VAC14: variants seen among roughly 807,000 people sequenced by gnomAD.
VAC14 encodes the protein VAC14 component of PIKFYVE complex, also known as protein VAC14 homolog.
In VAC14, 47 loss-of-function variants were observed where a neutral mutation model predicts 85.3. The ratio of observed to expected loss-of-function variants is 0.55; its 90% CI spans 0.44 to 0.70. The LOEUF (loss-of-function observed/expected upper bound fraction) is 0.70. VAC14 is among the 30% of genes least tolerant of loss of function. The probability of loss-of-function intolerance (pLI) is 0.00; values close to 1 mark genes in which losing one functional copy is unlikely to be tolerated. For synonymous variants in VAC14, 447 were observed against 430.5 expected, an observed-to-expected ratio of 1.04 and a Z score of -0.47; for missense variants, 861 against 1,004.3, an observed-to-expected ratio of 0.86 and a Z score of 1.93.
intron 9 of VAC14, among the ~76,000 whole-genome samples, chr16:70,779,452 CTT>C (rs200351497): frequency 0.01 from 1,573 of 152,220 alleles, 17 homozygotes; most frequent in Non-Finnish European, 0.014. Context: ...ACTTGTTTCT[CTT>C]GTTTTATGGC....
intron 5 of VAC14, among the ~76,000 whole-genome samples, chr16:70,783,877 G>A (rs2033928630): frequency 6.6e-6 from 1 of 152,220 alleles, no homozygotes; most frequent in Non-Finnish European, 1.5e-5. Flanking sequence ...GGTGTTTTCT[G>A]GGACAAGGAA....
At chr16:70,700,856 G>A (rs934690824) in intron 14 of VAC14, among the ~76,000 whole-genome samples, 2 of 152,202 alleles carry the variant, frequency 1.3e-5, no homozygotes, top group African/African-American at 2.4e-5. Flanking sequence ...CATGACAGAG[G>A]CCAACAGCTG....
chr16:70,750,595 G>T (rs144969417), intron 12 of VAC14, among the ~76,000 whole-genome samples: 1 of 152,050 alleles, frequency 6.6e-6, no homozygotes. Context: ...AGGGCGAGGG[G>T]AGAGGGCTTT....
chr16:70,785,678 G>A lies in VAC14; in HGVS notation c.423+24C>T. On this transcript the variant is annotated intron_variant, in intron 3 of 18. Coordinates refer to ENST00000261776, the MANE Select transcript of VAC14 (RefSeq NM_018052.5). ...GTGGGGGAACCAAGCGCAGCTCAGT[G>A]AGGAGGAGGAGGAGGGCGGTTACCT... 3 of 1,447,274 alleles carry A rather than the reference G, an allele frequency of 2.1e-6. No homozygotes were observed. The East Asian group carries it at 7.9e-5, about 38-fold the overall frequency. 89.7% of individuals were successfully genotyped at this position (1,447,274 alleles called of 1,614,324 possible).
intron 15 of VAC14, 89 bp downstream of exon 15, chr16:70,698,548 C>G: frequency 1.3e-6 from 2 of 1,529,570 alleles, no homozygotes; most frequent in Non-Finnish European, 1.8e-6. Context: ...CTGAGAGCCT[C>G]CTGGGGCCAG....
chr16:70,772,497 A>G (rs1314823241), intron 9 of VAC14: 4 of 263,266 alleles, frequency 1.5e-5, no homozygotes, highest in Non-Finnish European at 2.9e-5. Flanking sequence ...ATCCTTAGCT[A>G]TCAGGAAAAT....
In VAC14 at chr16:70,688,100, G is replaced by A. The variant is rs1411799083; in HGVS notation, c.2187-10C>T. The A allele has an allele frequency of 6.4e-7, 1 of 1,551,504 alleles. No homozygotes were observed. On this transcript the variant is annotated splice_polypyrimidine_tract_variant and intron_variant, in intron 18 of 18. Transcript: ENST00000261776. ...TGCCTTTAGACTGTCTCTGGGAAGA[G>A]GGAGCAGAAATGCTCAGTGTCAGGG...
chr16:70,783,045 A>G lies in VAC14; in HGVS notation c.799T>C (p.Cys267Arg). Residue 267 changes from cysteine (C) to arginine (R), a missense_variant, in exon 7 of 19, where the codon TGC becomes CGC. Physicochemically the swap from Cys to Arg is radical, Grantham distance 180 (BLOSUM62 -3). This residue lies in a region of VAC14 where 629 missense variants were observed against 703.1 expected (regional missense o/e 0.89). Transcript: ENST00000261776. ...AEMANILVIH[C>R]QTTDDLIQLT... ...CCCCAATACTCACCTGTTGTCTGGC[A>G]GTGGATCACCAGGATGTTGGCCATC... is the stretch of plus-strand genomic sequence containing the variant. 1 of 1,614,138 alleles carries G rather than the reference A, an allele frequency of 6.2e-7. No individual in the cohort carries two copies.
chr16:70,763,040 G>A lies in VAC14; in HGVS notation c.1161-15C>T, dbSNP rs375110678. 189 of 1,613,892 alleles carry A rather than the reference G, an allele frequency of 1.2e-4. 1 individual carries two copies. Among genetic ancestry groups the A allele is most frequent in the Non-Finnish European group, 1.5e-4 (174 of 1,179,966 alleles). ...CTCTTTCAGTGCTGTGGGTAAGATC[G>A]GGAGGGAGAGCAGAGGTGAAGCCCA... On this transcript the variant is annotated splice_polypyrimidine_tract_variant and intron_variant, in intron 10 of 18. Transcript: ENST00000261776.
intron 12 of VAC14, chr16:70,744,876 A>G: frequency 3.1e-6 from 1 of 325,566 alleles, no homozygotes; most frequent in Non-Finnish European, 5.6e-6. Flanking sequence ...TCCCTTGAAC[A>G]GGGCTCTGAG....
chr16:70,727,304 G>A lies in VAC14; in HGVS notation c.1661+4191C>T, dbSNP rs552126197. Among the ~76,000 whole-genome samples, 6 of 152,228 alleles carry A rather than the reference G, an allele frequency of 3.9e-5. No individual in the cohort carries two copies. The East Asian group carries it at 1.2e-3, about 29-fold the overall frequency. On this transcript the variant is annotated intron_variant, in intron 14 of 18. Transcript: ENST00000261776. ...CCTGTGGCTTCATGCCAGCATCTGC[G>A]GAACCATCGCGATGCCTCTCTTTAT... is the stretch of plus-strand genomic sequence containing the variant.
rs965377442 is a variant in VAC14, at chr16:70,759,030, C to T, written c.1371+3510G>A. 3.3e-5 allele frequency among the ~76,000 whole-genome samples: 5 copies of T among 152,142 alleles called. No homozygotes were observed. The South Asian group carries it at 6.2e-4, about 19-fold the overall frequency. ...GGTGGAACTGAGGAACAATGGCAGA[C>T]GAGACACCCCAGCGAGGCCACGCAC... On this transcript the variant is annotated intron_variant, in intron 12 of 18. Transcript: ENST00000261776.
intron 12 of VAC14, 153 bp from the exon 13 acceptor site, chr16:70,744,732 G>A: frequency 2.4e-6 from 2 of 835,734 alleles, no homozygotes; most frequent in South Asian, 2.0e-5. Flanking sequence ...GGCCACAGCT[G>A]GGGCATGCTC....
intron 12 of VAC14, chr16:70,755,291 A>G: frequency 3.6e-6 from 1 of 277,694 alleles, no homozygotes; most frequent in Non-Finnish European, 7.3e-6. Flanking sequence ...CCTGGGAAGG[A>G]AGGTGCAGGA....
intron 8 of VAC14, among the ~76,000 whole-genome samples, chr16:70,781,196 T>C (rs776594582): frequency 7.2e-5 from 11 of 152,046 alleles, no homozygotes; most frequent in Non-Finnish European, 1.3e-4. Flanking sequence ...TCTCTTGCCA[T>C]GTGACCTGCT....
chr16:70,784,282 A>T, intron 4 of VAC14, 62 bp from the exon 5 acceptor site: 1 of 1,414,516 alleles, frequency 7.1e-7, no homozygotes, highest in Middle Eastern at 1.9e-4. Flanking sequence ...GACCTCGCTG[A>T]ATCACTTGCC....
intron 10 of VAC14, among the ~76,000 whole-genome samples, chr16:70,768,033 T>G (rs1479067734): frequency 6.6e-6 from 1 of 152,124 alleles, no homozygotes; most frequent in Non-Finnish European, 1.5e-5. Flanking sequence ...TACAGGAATG[T>G]GCCACCACAC....
intron 9 of VAC14, chr16:70,772,807 C>G (rs1160133732): frequency 6.6e-6 from 1 of 152,172 alleles, no homozygotes; most frequent in Non-Finnish European, 1.5e-5. Flanking sequence ...TCTACAATAG[C>G]CAAAAAGCAG....
rs1446131789 is a variant in VAC14, at chr16:70,698,831, G to C, written c.1662-20C>G. On this transcript the variant is annotated intron_variant, in intron 14 of 18. Transcript: ENST00000261776. ...AGCTGCCTGGAGAGCAGGCAGACTG[G>C]GGTCAGGGCGCAGGCCGACCTGGAA... is the stretch of plus-strand genomic sequence containing the variant. 3.1e-6 allele frequency: 5 copies of C among 1,612,512 alleles called. No homozygotes were observed. Among genetic ancestry groups the C allele is most frequent in the Middle Eastern group, 1.8e-4 (1 of 5,562 alleles).
Sources: gnomAD v4.1 joint callset for allele counts (sites outside exome capture counted in the v4.1 genomes callset) on GRCh38, gnomAD v4.1.1 for gene constraint, gnomAD v4.1.1 regional missense constraint, MANE v1.5 for transcripts, NCBI Gene and HGNC (gene_info 2026-07-23, HGNC 2026-07-21) for gene names.